Variants in TENM3 observed in about 807,000 individuals in gnomAD.
TENM3 encodes the protein teneurin-3.
A neutral mutation model predicts 255.1 loss-of-function variants in TENM3; 63 were observed. The observed-to-expected ratio is 0.25, with a 90% CI of 0.20 to 0.30. TENM3 has a LOEUF of 0.30. Ranked by LOEUF, TENM3 falls within the 10% of genes least tolerant of loss-of-function variation. TENM3 has a pLI of 1.00. For synonymous variants in TENM3, 1,306 were observed against 1,322.3 expected, an observed-to-expected ratio of 0.99 and a Z score of 0.27; for missense variants, 2,929 against 3,461.1, an observed-to-expected ratio of 0.85 and a Z score of 3.86.
chr4:182,315,836 A>G (rs561169322), intron 1 of TENM3, among the ~76,000 whole-genome samples: 12 of 151,924 alleles, frequency 7.9e-5, no homozygotes, highest in African/African-American at 2.7e-4. Flanking sequence ...TACCATTTTG[A>G]GTTCTCTGCT....
chr4:182,642,654 C>G (rs1411200200), intron 5 of TENM3, among the ~76,000 whole-genome samples: 1 of 152,126 alleles, frequency 6.6e-6, no homozygotes, highest in Non-Finnish European at 1.5e-5. Flanking sequence ...AAAATATTGG[C>G]AGCCATTCTG....
At chr4:181,699,329 G>T in the TENM3 span, among the ~76,000 whole-genome samples, 7 of 151,236 alleles carry the variant, frequency 4.6e-5, no homozygotes, top group African/African-American at 1.7e-4. Flanking sequence ...TACTTGGGCA[G>T]CTGAGACAGG....
chr4:182,087,685 C>T, the TENM3 span, among the ~76,000 whole-genome samples: 154 of 148,494 alleles, frequency 1.0e-3, 1 homozygote, highest in Non-Finnish European at 1.9e-4. Context: ...AGGACAGAAT[C>T]GCTCTCCATT....
At chr4:181,551,490 C>T in the TENM3 span, among the ~76,000 whole-genome samples, 2 of 152,246 alleles carry the variant, frequency 1.3e-5, no homozygotes, top group Middle Eastern at 3.4e-3. Context: ...TGAAGCGTTG[C>T]TCTGTGGGAT....
the TENM3 span, among the ~76,000 whole-genome samples, chr4:181,529,035 C>T: frequency 6.6e-6 from 1 of 152,116 alleles, no homozygotes; most frequent in Non-Finnish European, 1.5e-5. Flanking sequence ...TTATATTTTC[C>T]TATCTGTGAG....
At chr4:182,610,665 A>C (rs1359836062) in intron 4 of TENM3, among the ~76,000 whole-genome samples, 1 of 152,110 alleles carries the variant, frequency 6.6e-6, no homozygotes, top group Non-Finnish European at 1.5e-5. Context: ...CCTGGGCAAC[A>C]AAGTGAGACC....
the TENM3 span, among the ~76,000 whole-genome samples, chr4:182,020,352 C>T: frequency 6.6e-6 from 1 of 151,618 alleles, no homozygotes; most frequent in Admixed American, 6.6e-5. Flanking sequence ...GGCAACAGGG[C>T]CAGACTCTGT....
the TENM3 span, among the ~76,000 whole-genome samples, chr4:181,700,657 T>C: frequency 6.6e-6 from 1 of 152,166 alleles, no homozygotes; most frequent in Non-Finnish European, 1.5e-5. Flanking sequence ...TCTACTCCAT[T>C]GCTGCAAAAA....
chr4:181,747,836 A>G, the TENM3 span, among the ~76,000 whole-genome samples: 1 of 152,038 alleles, frequency 6.6e-6, no homozygotes, highest in Non-Finnish European at 1.5e-5. Context: ...GTAGAGAATT[A>G]GGTAAGAATC....
At chr4:182,769,280 C>T (rs1405784898) in intron 22 of TENM3, among the ~76,000 whole-genome samples, 1 of 152,036 alleles carries the variant, frequency 6.6e-6, no homozygotes, top group East Asian at 1.9e-4. Context: ...TATGGAAGTA[C>T]CTGAGAGTCG....
At chr4:182,497,393 C>A (rs574710663) in intron 3 of TENM3, among the ~76,000 whole-genome samples, 1 of 152,230 alleles carries the variant, frequency 6.6e-6, no homozygotes, top group South Asian at 2.1e-4. Flanking sequence ...TACTAAATTC[C>A]AGAAATTTAC....
chr4:182,096,862 A>G, the TENM3 span, among the ~76,000 whole-genome samples: 1 of 152,214 alleles, frequency 6.6e-6, no homozygotes, highest in Non-Finnish European at 1.5e-5. Context: ...CGAGTTCATC[A>G]ACCTAATGGA....
upstream of TENM3, chr4:182,143,701 AC>A: frequency 6.3e-6 from 1 of 158,122 alleles, no homozygotes. This position sits in a 1 kb window ranked among gnomAD's most constrained non-coding sequence, Gnocchi z 4.3. Flanking sequence ...CCACGCACGT[AC>A]CCCCATTTTG....
At chr4:181,487,006 A>T in the TENM3 span, among the ~76,000 whole-genome samples, 1 of 152,206 alleles carries the variant, frequency 6.6e-6, no homozygotes, top group Non-Finnish European at 1.5e-5. Context: ...AAAAATACAT[A>T]AATAAGATTC....
At position 182,632,792 on chromosome 4, in the gene TENM3, A is replaced by C. The variant is rs572624684; in HGVS notation, c.988+3903A>C. Among the ~76,000 whole-genome samples, 17 of 152,160 alleles carry C rather than the reference A, an allele frequency of 1.1e-4. No homozygotes were observed. The South Asian group carries it at 3.3e-3, about 30-fold the overall frequency. On this transcript the variant is annotated intron_variant, in intron 5 of 27. Transcript: ENST00000511685. ...TTCAAGACATACCTGTAAAGTCCTT[A>C]TTTAATCTAAGTGTTAGTTTTTATT... is the stretch of plus-strand genomic sequence containing the variant.
chr4:182,786,199 A>G (rs1472990328), intron 24 of TENM3, among the ~76,000 whole-genome samples: 1 of 152,042 alleles, frequency 6.6e-6, no homozygotes, highest in Non-Finnish European at 1.5e-5. Flanking sequence ...CAGTGATGGC[A>G]TCATCTGACT....
chr4:182,383,393 G>A (rs998531036), intron 3 of TENM3, among the ~76,000 whole-genome samples: 3 of 152,096 alleles, frequency 2.0e-5, no homozygotes, highest in Admixed American at 1.3e-4. Flanking sequence ...GCACTTGGAG[G>A]GGCCTGACTC....
rs1480318189 is a variant in TENM3 at position 182,515,076 on chromosome 4, A to G, written c.512-85848A>G. Among the ~76,000 whole-genome samples, 9 of 152,330 alleles carry G rather than the reference A, an allele frequency of 5.9e-5. No individual in the cohort carries two copies. In the South Asian group the frequency reaches 1.9e-3, roughly 32 times the overall value. On this transcript the variant is annotated intron_variant, in intron 3 of 27. Transcript: ENST00000511685. ...ATTTTTTATCCAGACTAAGAAGACA[A>G]TTTATCATTTAAGCCGTCACTGATG...
intron 3 of TENM3, among the ~76,000 whole-genome samples, chr4:182,597,774 A>G (rs980235742): frequency 2.0e-5 from 3 of 152,232 alleles, no homozygotes; most frequent in African/African-American, 7.2e-5. Flanking sequence ...GTACGGATAA[A>G]TACATGCTCC....
Sources: allele counts gnomAD v4.1 joint callset (sites outside exome capture counted in the v4.1 genomes callset), GRCh38; gene constraint gnomAD v4.1.1; non-coding constraint Gnocchi (gnomAD v3.1); transcripts MANE v1.5; gene names NCBI Gene and HGNC (gene_info 2026-07-23, HGNC 2026-07-21).